The following LGSN variants were observed in gnomAD, a reference collection of about 807,000 sequenced individuals.
LGSN encodes the protein lengsin, lens protein with glutamine synthetase domain.
LGSN carries 21 observed loss-of-function variants against 19.5 expected under a neutral mutation model. The ratio of observed to expected loss-of-function variants is 1.07; its 90% CI spans 0.76 to 1.55. The LOEUF (loss-of-function observed/expected upper bound fraction) is 1.55. Ranked by LOEUF, LGSN falls within the 40% of genes most tolerant of loss-of-function variation. The pLI is 0.00. For synonymous variants in LGSN, 257 were observed against 215.6 expected, an observed-to-expected ratio of 1.19 and a Z score of -1.68; for missense variants, 673 against 608.5, an observed-to-expected ratio of 1.11 and a Z score of -1.12.
chr6:63,326,216 T>C, the LGSN span, among the ~76,000 whole-genome samples: 7 of 151,376 alleles, frequency 4.6e-5, no homozygotes, highest in South Asian at 2.1e-4. Context: ...TTGAGCTAGA[T>C]ACAGTGCCGA....
intron 1 of LGSN, among the ~76,000 whole-genome samples, chr6:63,301,267 G>T (rs1375461429): frequency 6.6e-6 from 1 of 151,884 alleles, no homozygotes; most frequent in Non-Finnish European, 1.5e-5. Context: ...CTTCAGCCTG[G>T]GTGACAGAAT....
At chr6:63,304,043 G>A (rs1435060815) in intron 1 of LGSN, among the ~76,000 whole-genome samples, 1 of 152,188 alleles carries the variant, frequency 6.6e-6, no homozygotes, top group Non-Finnish European at 1.5e-5. Context: ...AGTGGGAAAA[G>A]GGGCCTATGT....
At chr6:63,434,266 C>T in the LGSN span, among the ~76,000 whole-genome samples, 3 of 151,654 alleles carry the variant, frequency 2.0e-5, no homozygotes, top group African/African-American at 2.4e-5. Context: ...TGGTGAAACT[C>T]CGTCCCTACT....
the LGSN span, among the ~76,000 whole-genome samples, chr6:63,369,586 A>G: frequency 1.3e-5 from 2 of 152,190 alleles, no homozygotes; most frequent in Admixed American, 1.3e-4. Flanking sequence ...CTCCCCGTGC[A>G]GGTAGGTGGA....
the LGSN span, among the ~76,000 whole-genome samples, chr6:63,372,253 A>G: frequency 1.3e-5 from 2 of 152,340 alleles, no homozygotes; most frequent in South Asian, 4.1e-4. Context: ...ACAAAAATAA[A>G]AATCTTCCCA....
the LGSN span, among the ~76,000 whole-genome samples, chr6:63,450,500 G>A: frequency 6.6e-6 from 1 of 151,274 alleles, no homozygotes; most frequent in East Asian, 1.9e-4. Flanking sequence ...AGCCAAGACT[G>A]TGCCACTGAA....
intron 1 of LGSN, among the ~76,000 whole-genome samples, chr6:63,297,112 C>A (rs567338942): frequency 1.2e-4 from 19 of 152,048 alleles, no homozygotes; most frequent in South Asian, 1.0e-3. Context: ...GAGGCCAAGG[C>A]GGGTGGATCA....
chr6:63,453,746 C>T, the LGSN span, among the ~76,000 whole-genome samples: 2 of 152,058 alleles, frequency 1.3e-5, no homozygotes, highest in Admixed American at 6.6e-5. Context: ...CTCCGCCTCC[C>T]GGGTTCACAC....
chr6:63,356,996 A>G, the LGSN span, among the ~76,000 whole-genome samples: 1 of 84,610 alleles, frequency 1.2e-5, no homozygotes, highest in African/African-American at 4.7e-5. Context: ...CCCACCCCAC[A>G]ACAGGCCCCG....
the LGSN span, among the ~76,000 whole-genome samples, chr6:63,435,177 C>T: frequency 6.6e-6 from 1 of 152,256 alleles, no homozygotes; most frequent in African/African-American, 2.4e-5. Flanking sequence ...ATAAGTGTGG[C>T]ATCAAAGGAA....
chr6:63,402,643 G>A, the LGSN span, among the ~76,000 whole-genome samples: 1 of 152,200 alleles, frequency 6.6e-6, no homozygotes, highest in Non-Finnish European at 1.5e-5. Flanking sequence ...GAGCAGGTAG[G>A]TCATTGGAAA....
chr6:63,502,413 C>T, the LGSN span, among the ~76,000 whole-genome samples: 1 of 152,018 alleles, frequency 6.6e-6, no homozygotes, highest in South Asian at 2.1e-4. Context: ...ACCTGATATA[C>T]TATGACTCAT....
chr6:63,369,359 T>A, the LGSN span, among the ~76,000 whole-genome samples: 2 of 152,208 alleles, frequency 1.3e-5, no homozygotes, highest in Admixed American at 1.3e-4. Context: ...GTGGCAACAA[T>A]GCTAGGTCAC....
intron 2 of LGSN, among the ~76,000 whole-genome samples, chr6:63,291,061 G>A (rs1230171732): frequency 6.6e-6 from 1 of 152,206 alleles, no homozygotes. Context: ...TAGTGAGATG[G>A]GAGAGTTCCC....
chr6:63,389,274 C>A, the LGSN span, among the ~76,000 whole-genome samples: 1 of 152,156 alleles, frequency 6.6e-6, no homozygotes, highest in African/African-American at 2.4e-5. Flanking sequence ...TTTCTACTCT[C>A]ATATTTTCTT....
the LGSN span, among the ~76,000 whole-genome samples, chr6:63,366,689 A>C: frequency 2.6e-5 from 4 of 152,210 alleles, no homozygotes; most frequent in African/African-American, 9.7e-5. Flanking sequence ...ACTTCAAACT[A>C]TACTACAAGG....
chr6:63,330,777 A>T, the LGSN span, among the ~76,000 whole-genome samples: 1 of 152,204 alleles, frequency 6.6e-6, no homozygotes, highest in Non-Finnish European at 1.5e-5. Context: ...TTCAGCTGTC[A>T]TTCTGTCATT....
the LGSN span, among the ~76,000 whole-genome samples, chr6:63,370,001 C>A: frequency 6.9e-6 from 1 of 144,934 alleles, no homozygotes; most frequent in African/African-American, 2.8e-5. Flanking sequence ...GACTGTGTAT[C>A]CAAAAAAGAA....
At chr6:63,357,894 T>C in the LGSN span, among the ~76,000 whole-genome samples, 6 of 152,232 alleles carry the variant, frequency 3.9e-5, no homozygotes, top group Admixed American at 2.0e-4. Context: ...GTTTTAGACA[T>C]GAAGTCCTTG....
Sources: gnomAD v4.1 joint callset for allele counts (sites outside exome capture counted in the v4.1 genomes callset) on GRCh38, gnomAD v4.1.1 for gene constraint, MANE v1.5 for transcripts, NCBI Gene and HGNC (gene_info 2026-07-23, HGNC 2026-07-21) for gene names.